The following GREB1L variants were observed in gnomAD, a reference collection of about 807,000 sequenced individuals.
The protein encoded by GREB1L is GREB1 like retinoic acid receptor coactivator, also known as GREB1-like protein.
GREB1L carries 17 observed loss-of-function variants against 200.8 expected under a neutral mutation model. The observed-to-expected ratio is 0.08, with a 90% CI of 0.06 to 0.13. The LOEUF is 0.13. Ranked by LOEUF, GREB1L falls within the 10% of genes least tolerant of loss-of-function variation. GREB1L has a pLI of 1.00. For missense variants in GREB1L, 1,657 were observed against 2,367.7 expected (o/e 0.70, Z 6.23); for synonymous variants, 789 against 893.0 (o/e 0.88, Z 2.08).
At chr18:21,507,438 T>C (rs936189637) in intron 25 of GREB1L, among the ~76,000 whole-genome samples, 3 of 152,228 alleles carry the variant, frequency 2.0e-5, no homozygotes, top group African/African-American at 7.2e-5. Flanking sequence ...TGAAAATTGA[T>C]GGTATCCTTT....
chr18:21,449,069 A>C (rs1381063354), intron 11 of GREB1L, among the ~76,000 whole-genome samples: 2 of 152,250 alleles, frequency 1.3e-5, no homozygotes, highest in African/African-American at 4.8e-5. Flanking sequence ...ATGTTTTCCA[A>C]AATGCCTATG....
Position 21,499,770 on chromosome 18 carries a change from G to C in GREB1L, c.3433G>C (p.Asp1145His). The C allele has an allele frequency of 6.4e-7, 1 of 1,552,078 alleles. No homozygotes were observed. The highest frequency in any genetic ancestry group is 2.4e-5 in the East Asian group (1 of 40,920). The change falls in exon 22 of 33, where the codon GAC becomes CAC. Residue 1145 changes from aspartate (D) to histidine (H), a missense_variant. Transcript: ENST00000424526. The part of the protein sequence containing the change: ...ENGVSSSSTA[D>H]KSQKQSLTPS... ...TGGAGTGAGCTCTTCCAGCACAGCT[G>C]ACAAGTCCCAGAAGCAGTCCCTGAC...
chr18:21,492,309 A>G (rs55919420), intron 19 of GREB1L, among the ~76,000 whole-genome samples: 1,537 of 151,604 alleles, frequency 0.01, 30 homozygotes, highest in African/African-American at 0.035. Context: ...TTGTGCCACT[A>G]CACTCCAGCC....
intron 1 of GREB1L, among the ~76,000 whole-genome samples, chr18:21,257,359 CT>C (rs1205108206): frequency 2.6e-5 from 4 of 152,114 alleles, no homozygotes; most frequent in Admixed American, 1.3e-4. Context: ...TAAAAATAAC[CT>C]TTCCCCCCCT....
intron 7 of GREB1L, among the ~76,000 whole-genome samples, chr18:21,412,001 C>T (rs1407770253): frequency 1.4e-5 from 2 of 146,234 alleles, no homozygotes; most frequent in Non-Finnish European, 3.0e-5. Context: ...GCCGAGATTG[C>T]GCCACTGCAG....
chr18:21,512,604 C>A (rs1046253721), intron 27 of GREB1L, among the ~76,000 whole-genome samples: 2 of 152,098 alleles, frequency 1.3e-5, no homozygotes, highest in Non-Finnish European at 2.9e-5. Flanking sequence ...TGCCTGAGAA[C>A]AGAGATAATT....
At chr18:21,473,953 G>C (rs565896343) in intron 16 of GREB1L, among the ~76,000 whole-genome samples, 1 of 152,114 alleles carries the variant, frequency 6.6e-6, no homozygotes, top group African/African-American at 2.4e-5. Flanking sequence ...ATCAGATCTC[G>C]TGAGACTTAC....
intron 1 of GREB1L, among the ~76,000 whole-genome samples, chr18:21,352,082 G>A (rs376648059): frequency 6.2e-4 from 94 of 152,014 alleles, no homozygotes; most frequent in African/African-American, 2.1e-3. Context: ...TCCTGACCTC[G>A]TGATCCACCT....
chr18:21,373,130 C>T (rs1387102996), intron 2 of GREB1L, among the ~76,000 whole-genome samples: 1 of 152,034 alleles, frequency 6.6e-6, no homozygotes, highest in Non-Finnish European at 1.5e-5. Flanking sequence ...ATATCGTCTC[C>T]ACTGAGAAGG....
chr18:21,350,318 A>G (rs1598683798), intron 1 of GREB1L, among the ~76,000 whole-genome samples: 1 of 150,450 alleles, frequency 6.6e-6, no homozygotes, highest in Non-Finnish European at 1.5e-5. Flanking sequence ...GCTCACTGCA[A>G]CCTCCGCCTC....
chr18:21,492,418 C>T (rs1196602348), intron 19 of GREB1L, among the ~76,000 whole-genome samples: 3 of 152,170 alleles, frequency 2.0e-5, no homozygotes, highest in Non-Finnish European at 4.4e-5. Flanking sequence ...AAGTCTCCCA[C>T]ATCTGTTGCC....
Position 21,452,516 on chromosome 18 carries a change from A to G in GREB1L, c.1984+299A>G, listed in dbSNP as rs566516750. 5.0e-4 allele frequency: 144 copies of G among 288,178 alleles called. 1 individual carries two copies. The highest frequency in any genetic ancestry group is 8.6e-4 in the Non-Finnish European group (135 of 156,774). The allele number at this position is 288,178 out of a possible 1,614,324, so 17.9% of individuals were successfully genotyped here. A position where few individuals can be genotyped will look rare whatever the true frequency, so the allele number is the denominator to read the frequency against. The stretch of plus-strand genomic sequence containing the variant: ...ACATTGGCTCATTTTCCTTAGCTCC[A>G]CCAGCTGTGCCCAGAGGACTTCAAA... On this transcript the variant is annotated intron_variant, in intron 14 of 32. Transcript: ENST00000424526.
At chr18:21,465,487 G>A (rs561497136) in intron 15 of GREB1L, among the ~76,000 whole-genome samples, 10 of 152,170 alleles carry the variant, frequency 6.6e-5, no homozygotes, top group South Asian at 6.2e-4. Context: ...TATGATATAC[G>A]TTACTTATTT....
intron 27 of GREB1L, 196 bp downstream of exon 27, chr18:21,508,787 T>C (rs2037123285): frequency 3.3e-6 from 2 of 604,364 alleles, no homozygotes; most frequent in Non-Finnish European, 5.8e-6. Context: ...ATCTGCACTT[T>C]TGCAGAATTA....
intron 23 of GREB1L, 59 bp from the exon 24 acceptor site, chr18:21,505,353 T>C (rs1355699168): frequency 1.5e-5 from 22 of 1,481,660 alleles, no homozygotes; most frequent in Middle Eastern, 4.2e-4. Flanking sequence ...CCATTCTCTC[T>C]GACACATGGG....
In GREB1L at chr18:21,454,459, G is replaced by A; in HGVS notation, c.2078G>A (p.Ser693Asn). The A allele has an allele frequency of 1.7e-5, 26 of 1,551,614 alleles. No homozygotes were observed. Among genetic ancestry groups the A allele is most frequent in the Non-Finnish European group, 2.3e-5 (26 of 1,146,868 alleles). Residue 693 changes from serine to asparagine, a missense_variant, in exon 15 of 33, where the codon AGC (serine) becomes AAC (asparagine). Physicochemically the swap from Ser to Asn is conservative, Grantham distance 46 (BLOSUM62 1). Around this residue, in one of 9 missense-constraint regions of GREB1L, gnomAD observed 239 missense variants for 421.8 expected, o/e 0.57. Coordinates refer to ENST00000424526, the MANE Select transcript of GREB1L (RefSeq NM_001142966.3). ...GTGTGTGCTATAGCGGACAGTGGCA[G>A]CCAGAGCCTGGACCTCGGTCACTTC... ...SQVCAIADSG[S>N]QSLDLGHFSK...
intron 1 of GREB1L, among the ~76,000 whole-genome samples, chr18:21,247,429 A>G (rs189970159): frequency 2.0e-5 from 3 of 152,238 alleles, no homozygotes; most frequent in African/African-American, 7.2e-5. Flanking sequence ...TGTGAACTAT[A>G]TCTTGTATTG....
intron 7 of GREB1L, among the ~76,000 whole-genome samples, chr18:21,436,635 A>G (rs2033552171): frequency 6.6e-6 from 1 of 151,402 alleles, no homozygotes; most frequent in Admixed American, 6.6e-5. Flanking sequence ...ATCTATCTCA[A>G]AAACATAAAG....
Position 21,403,988 on chromosome 18 carries a change from C to G in GREB1L, c.826C>G (p.Gln276Glu). ...TTNGYKSGFT[Q>E]TDAANGNSSH... ...TAATGGATACAAATCAGGATTCACT[C>G]AGACAGGTATGGGATATTTTCTTTT... Residue 276 changes from glutamine (Q) to glutamate (E), a missense_variant, in exon 7 of 33, where the codon CAG becomes GAG. Physicochemically the swap from Gln to Glu is conservative, Grantham distance 29 (BLOSUM62 2). Transcript: ENST00000424526. 4 of 1,551,254 alleles carry G rather than the reference C, an allele frequency of 2.6e-6. No homozygotes were observed. The highest frequency in any genetic ancestry group is 3.5e-6 in the Non-Finnish European group (4 of 1,146,230).
Sources: gnomAD v4.1 joint callset for allele counts (sites outside exome capture counted in the v4.1 genomes callset) on GRCh38, gnomAD v4.1.1 for gene constraint, gnomAD v4.1.1 regional missense constraint, MANE v1.5 for transcripts, NCBI Gene and HGNC (gene_info 2026-07-23, HGNC 2026-07-21) for gene names.